Variants in TNNI3K observed in about 807,000 individuals in gnomAD.
TNNI3K encodes TNNI3 interacting kinase.
A neutral mutation model predicts 114.5 loss-of-function variants in TNNI3K; 140 were observed. The ratio of observed to expected loss-of-function variants is 1.22; its 90% CI spans 1.07 to 1.41. The LOEUF (loss-of-function observed/expected upper bound fraction) is 1.41, where lower values mean the gene tolerates loss of function less well. Ranked by LOEUF, TNNI3K falls within the 40% of genes most tolerant of loss-of-function variation. The pLI, the probability that TNNI3K is intolerant of heterozygous loss-of-function variation, is 0.00. For synonymous variants in TNNI3K, 347 were observed against 347.5 expected, an observed-to-expected ratio of 1.00 and a Z score of 0.02; for missense variants, 1,125 against 1,007.6, an observed-to-expected ratio of 1.12 and a Z score of -1.58.
intron 17 of TNNI3K, among the ~76,000 whole-genome samples, chr1:74,402,776 C>T (rs1664432528): frequency 6.6e-6 from 1 of 152,206 alleles, no homozygotes; most frequent in African/African-American, 2.4e-5. Flanking sequence ...AGCTTGTCCA[C>T]CCCACAGCCC....
intron 17 of TNNI3K, among the ~76,000 whole-genome samples, chr1:74,425,030 T>A (rs1376223274): frequency 6.6e-6 from 1 of 152,068 alleles, no homozygotes; most frequent in African/African-American, 2.4e-5. Flanking sequence ...GGCTAGAATA[T>A]TTGGGTAAAG....
At chr1:74,385,476 G>T (rs1336852188) in intron 17 of TNNI3K, among the ~76,000 whole-genome samples, 1 of 152,130 alleles carries the variant, frequency 6.6e-6, no homozygotes, top group Non-Finnish European at 1.5e-5. Context: ...ATGTGAATTG[G>T]CACCTTTCCA....
intron 20 of TNNI3K, among the ~76,000 whole-genome samples, chr1:74,449,200 A>C (rs944442155): frequency 6.6e-6 from 1 of 151,886 alleles, no homozygotes; most frequent in Non-Finnish European, 1.5e-5. Flanking sequence ...TGGAGAGTGT[A>C]TGTGTAGAGG....
intron 9 of TNNI3K, among the ~76,000 whole-genome samples, chr1:74,347,848 GT>G (rs1310937131): frequency 6.6e-6 from 1 of 152,010 alleles, no homozygotes; most frequent in Non-Finnish European, 1.5e-5. Flanking sequence ...TGATGGGGTT[GT>G]TTTTTTCTTG....
intron 21 of TNNI3K, among the ~76,000 whole-genome samples, chr1:74,468,005 A>G (rs2296469): frequency 0.032 from 4,842 of 152,244 alleles, 188 homozygotes; most frequent in East Asian, 0.13. Flanking sequence ...ACAGACTACA[A>G]TGGTTACCAT....
At chr1:74,501,581 G>A (rs142136265) in intron 23 of TNNI3K, among the ~76,000 whole-genome samples, 493 of 152,092 alleles carry the variant, frequency 3.2e-3, no homozygotes, top group Admixed American at 0.011. Context: ...CTGCCTCCTG[G>A]GTTCATGCCA....
intron 19 of TNNI3K, among the ~76,000 whole-genome samples, chr1:74,438,379 G>A (rs1274258984): frequency 6.6e-6 from 1 of 152,058 alleles, no homozygotes; most frequent in Non-Finnish European, 1.5e-5. Context: ...TCAAAATAAG[G>A]TGGACATTTC....
At chr1:74,483,281 G>A (rs1374658260) in intron 21 of TNNI3K, 1 of 717,434 alleles carries the variant, frequency 1.4e-6, no homozygotes, top group South Asian at 1.5e-5. Flanking sequence ...AGGTTAGCTG[G>A]TGACAGAGGG....
rs181232454 is a variant in TNNI3K, at chr1:74,391,197, G to T, written c.1772+20805G>T. Among the ~76,000 whole-genome samples, 285 of 152,214 alleles carry T rather than the reference G, an allele frequency of 1.9e-3. 5 individuals carry two copies. The highest frequency in any genetic ancestry group is 0.016 in the Admixed American group (238 of 15,274). ...CAAATATTTGGACACTAGAGATACT[G>T]CAGTTGCCAAAACAGATCCTGCCTT... On this transcript the variant is annotated intron_variant, in intron 17 of 24. Transcript: ENST00000326637.
At chr1:74,264,771 G>T (rs956824689) in intron 4 of TNNI3K, among the ~76,000 whole-genome samples, 2 of 151,938 alleles carry the variant, frequency 1.3e-5, no homozygotes, top group Non-Finnish European at 2.9e-5. Context: ...AACATCTCTT[G>T]GGACAGAGTG....
intron 5 of TNNI3K, among the ~76,000 whole-genome samples, chr1:74,324,366 A>G (rs994837272): frequency 1.3e-5 from 2 of 152,232 alleles, no homozygotes; most frequent in African/African-American, 4.8e-5. Context: ...ACATGAAATA[A>G]CAGAAGCTGT....
At chr1:74,388,840 T>C (rs1663620065) in intron 17 of TNNI3K, among the ~76,000 whole-genome samples, 2 of 152,210 alleles carry the variant, frequency 1.3e-5, no homozygotes, top group African/African-American at 4.8e-5. Flanking sequence ...CTCTCAGGAA[T>C]GTCTCCCCAC....
At chr1:74,248,344 A>T (rs1291468176) in intron 2 of TNNI3K, among the ~76,000 whole-genome samples, 2 of 152,044 alleles carry the variant, frequency 1.3e-5, no homozygotes, top group African/African-American at 4.8e-5. Context: ...GCCAGTCCAG[A>T]GAGGGGCTCC....
At chr1:74,309,030 A>G (rs1277532457) in intron 5 of TNNI3K, among the ~76,000 whole-genome samples, 1 of 152,170 alleles carries the variant, frequency 6.6e-6, no homozygotes, top group Non-Finnish European at 1.5e-5. Context: ...AACCATAAAA[A>G]GCACTGGACC....
intron 17 of TNNI3K, among the ~76,000 whole-genome samples, chr1:74,403,029 G>T (rs1165478473): frequency 6.6e-6 from 1 of 151,958 alleles, no homozygotes; most frequent in African/African-American, 2.4e-5. Flanking sequence ...AATGATGATA[G>T]ATATTTAAAC....
intron 5 of TNNI3K, among the ~76,000 whole-genome samples, chr1:74,272,694 A>T (rs1656424041): frequency 6.6e-6 from 1 of 152,058 alleles, no homozygotes. Flanking sequence ...CTTGTCTTAA[A>T]TTTAAAGTAT....
chr1:74,489,050 A>C, intron 21 of TNNI3K, 139 bp from the exon 22 acceptor site: 1 of 647,818 alleles, frequency 1.5e-6, no homozygotes, highest in Non-Finnish European at 2.5e-6. Flanking sequence ...TTAACACTTC[A>C]ATAAAAGTGT....
At chr1:74,362,927 G>A (rs1157209609) in intron 11 of TNNI3K, among the ~76,000 whole-genome samples, 1 of 152,134 alleles carries the variant, frequency 6.6e-6, no homozygotes, top group Non-Finnish European at 1.5e-5. Flanking sequence ...AGGTGCTCCA[G>A]TGAATAATAC....
At chr1:74,352,987 G>C (rs1348722299) in intron 9 of TNNI3K, among the ~76,000 whole-genome samples, 2 of 152,120 alleles carry the variant, frequency 1.3e-5, no homozygotes, top group African/African-American at 4.8e-5. Context: ...GCACTCCCCA[G>C]TGAGATGAAC....
Sources: gnomAD v4.1 joint callset for allele counts (sites outside exome capture counted in the v4.1 genomes callset) on GRCh38, gnomAD v4.1.1 for gene constraint, MANE v1.5 for transcripts, NCBI Gene and HGNC (gene_info 2026-07-23, HGNC 2026-07-21) for gene names.